Variants in SH3RF3 observed in about 807,000 individuals in gnomAD.
SH3RF3 encodes the protein SH3 domain containing ring finger 3.
Under a neutral mutation model 66.3 loss-of-function variants are expected in SH3RF3, and 29 were observed. The observed-to-expected ratio is 0.44, with a 90% CI of 0.33 to 0.60. The LOEUF is 0.60. Ranked by LOEUF, SH3RF3 falls within the 20% of genes least tolerant of loss-of-function variation. The pLI, the probability that SH3RF3 is intolerant of heterozygous loss-of-function variation, is 0.04. For synonymous variants in SH3RF3, 583 were observed against 532.0 expected, an observed-to-expected ratio of 1.10 and a Z score of -1.32; for missense variants, 1,194 against 1,190.9, an observed-to-expected ratio of 1.00 and a Z score of -0.04.
chr2:109,431,473 T>C (rs923623420), intron 5 of SH3RF3, among the ~76,000 whole-genome samples: 5 of 152,170 alleles, frequency 3.3e-5, no homozygotes, highest in African/African-American at 1.2e-4. Flanking sequence ...GGAAAAGATA[T>C]AGGTATAGTT....
chr2:109,428,991 A>T (rs1443842228), intron 5 of SH3RF3, among the ~76,000 whole-genome samples: 1 of 152,190 alleles, frequency 6.6e-6, no homozygotes, highest in Non-Finnish European at 1.5e-5. Context: ...CAGCTCAGCC[A>T]GGAGACTCTG....
chr2:109,361,365 T>C lies in SH3RF3; in HGVS notation c.850-10221T>C, dbSNP rs1683047784. ...TAGGAAATATTCTTTCTGCGAAGTA[T>C]TGAGATTGTAGAGAATTGGTATAAT... On this transcript the variant is annotated intron_variant, in intron 2 of 9. Transcript: ENST00000309415. Among the ~76,000 whole-genome samples, 2 of 152,224 alleles carry C rather than the reference T, an allele frequency of 1.3e-5. 1 individual carries two copies. The highest frequency in any genetic ancestry group is 4.1e-4 in the South Asian group (2 of 4,834).
chr2:109,439,594 A>G (rs1190661203), intron 7 of SH3RF3, among the ~76,000 whole-genome samples: 2 of 152,160 alleles, frequency 1.3e-5, no homozygotes, highest in East Asian at 3.9e-4. Context: ...CATAGCATCC[A>G]ATATGATTTG....
chr2:109,453,794 C>T (rs1000705641), intron 8 of SH3RF3, among the ~76,000 whole-genome samples: 4 of 152,164 alleles, frequency 2.6e-5, no homozygotes, highest in African/African-American at 9.7e-5. Context: ...CGTGTGGGAA[C>T]AGAGGGTCAC....
At chr2:109,348,199 G>A (rs931535813) in intron 2 of SH3RF3, among the ~76,000 whole-genome samples, 1 of 152,214 alleles carries the variant, frequency 6.6e-6, no homozygotes, top group African/African-American at 2.4e-5. Flanking sequence ...CTACATAGGA[G>A]CTTGAGATAA....
At chr2:109,323,006 C>T (rs888446359) in intron 1 of SH3RF3, among the ~76,000 whole-genome samples, 3 of 152,186 alleles carry the variant, frequency 2.0e-5, no homozygotes, top group African/African-American at 7.2e-5. Flanking sequence ...AGCTGTGTTG[C>T]AGAGGGATTT....
chr2:109,237,981 C>A (rs1024820733), intron 1 of SH3RF3, among the ~76,000 whole-genome samples: 2 of 152,084 alleles, frequency 1.3e-5, no homozygotes, highest in Non-Finnish European at 2.9e-5. Context: ...GCTTGTAATC[C>A]TAGCACTTGA....
intron 8 of SH3RF3, among the ~76,000 whole-genome samples, chr2:109,450,881 T>TA (rs1327077032): frequency 6.6e-6 from 1 of 152,188 alleles, no homozygotes; most frequent in Non-Finnish European, 1.5e-5. Flanking sequence ...TCTTTCCATA[T>TA]AAAATTAGTC....
At chr2:109,447,555 G>A (rs1438728232) in intron 7 of SH3RF3, among the ~76,000 whole-genome samples, 3 of 152,206 alleles carry the variant, frequency 2.0e-5, no homozygotes, top group Admixed American at 2.0e-4. Context: ...GCAGCTGGAT[G>A]TGAGCTGCGT....
intron 1 of SH3RF3, among the ~76,000 whole-genome samples, chr2:109,280,073 C>T (rs544553926): frequency 3.9e-5 from 6 of 152,184 alleles, no homozygotes; most frequent in East Asian, 3.9e-4. Flanking sequence ...CTATTTTTTT[C>T]GATCCCAGAG....
At chr2:109,267,880 G>A (rs576074571) in intron 1 of SH3RF3, among the ~76,000 whole-genome samples, 159 of 151,498 alleles carry the variant, frequency 1.0e-3, no homozygotes, top group African/African-American at 3.6e-3. Flanking sequence ...AGGCCACTGA[G>A]GGGAGAAAGG....
At chr2:109,263,822 G>C (rs1409497158) in intron 1 of SH3RF3, among the ~76,000 whole-genome samples, 3 of 152,206 alleles carry the variant, frequency 2.0e-5, no homozygotes, top group Non-Finnish European at 4.4e-5. Context: ...CAAAAAATTA[G>C]CTGGGCATGG....
Position 109,170,281 on chromosome 2 carries a change from TCTC to T in SH3RF3, c.573+40169_573+40171del, listed in dbSNP as rs1375597883. Among the ~76,000 whole-genome samples, 1,005 of 107,912 alleles carry T rather than the reference TCTC, an allele frequency of 9.3e-3. 32 individuals carry two copies. The highest frequency in any genetic ancestry group is 0.028 in the African/African-American group (954 of 33,876). The allele number at this position is 107,912 out of a possible 152,430, so 70.8% of individuals were successfully genotyped here. A position where few individuals can be genotyped will look rare whatever the true frequency, so the allele number is the denominator to read the frequency against. On this transcript the variant is annotated intron_variant, in intron 1 of 9. Transcript: ENST00000309415. ...TCTCTTCTCTTCTCTTCTCTTCTCT[TCTC>T]TTCTCTTCTCTTCTCTTCTCTTCTC...
At chr2:109,487,977 GC>G (rs1679027001) in intron 8 of SH3RF3, among the ~76,000 whole-genome samples, 1 of 152,236 alleles carries the variant, frequency 6.6e-6, no homozygotes, top group Non-Finnish European at 1.5e-5. Flanking sequence ...CAGCCACCAG[GC>G]CCCTTCATGG....
chr2:109,161,763 A>G (rs1363377556), intron 1 of SH3RF3, among the ~76,000 whole-genome samples: 1 of 151,892 alleles, frequency 6.6e-6, no homozygotes, highest in East Asian at 1.9e-4. Context: ...GAACTAGTAG[A>G]GCAAGAGCTC....
intron 6 of SH3RF3, among the ~76,000 whole-genome samples, chr2:109,436,418 T>C (rs58807707): frequency 0.1 from 15,912 of 152,162 alleles, 2,650 homozygotes; most frequent in African/African-American, 0.35. Flanking sequence ...CTCAGAAGGA[T>C]GTCGTGCTGT....
chr2:109,131,807 A>G (rs1275458615), intron 1 of SH3RF3, among the ~76,000 whole-genome samples: 2 of 152,236 alleles, frequency 1.3e-5, no homozygotes, highest in African/African-American at 4.8e-5. Context: ...TTATGGGTGC[A>G]TAGTCATGTT....
intron 3 of SH3RF3, among the ~76,000 whole-genome samples, chr2:109,394,792 AC>A (rs1203553657): frequency 1.3e-5 from 2 of 152,210 alleles, no homozygotes; most frequent in Non-Finnish European, 2.9e-5. Context: ...CCGAATCCAC[AC>A]CACATGGGAG....
chr2:109,230,872 G>A (rs966384992), intron 1 of SH3RF3, among the ~76,000 whole-genome samples: 4 of 152,186 alleles, frequency 2.6e-5, no homozygotes, highest in African/African-American at 9.7e-5. Flanking sequence ...TGGCCAATAG[G>A]ACTCCCTTTG....
Sources: allele counts gnomAD v4.1 joint callset (sites outside exome capture counted in the v4.1 genomes callset), GRCh38; gene constraint gnomAD v4.1.1; transcripts MANE v1.5; gene names NCBI Gene and HGNC (gene_info 2026-07-23, HGNC 2026-07-21).